The following AP3D1 variants were observed in gnomAD, a reference collection of about 807,000 sequenced individuals.
AP3D1 encodes the protein AP-3 complex subunit delta-1.
A neutral mutation model predicts 147.6 loss-of-function variants in AP3D1; 51 were observed. That is an observed-to-expected ratio of 0.35 (90% CI 0.28 to 0.44). AP3D1 has a LOEUF of 0.44. Among genes scored for constraint, AP3D1 ranks in the 20% least tolerant of loss-of-function variants. The pLI is 1.00. For missense variants in AP3D1, 1,421 were observed against 1,624.2 expected (o/e 0.87, Z 2.15); for synonymous variants, 760 against 663.0 (o/e 1.15, Z -2.25).
At chr19:2,123,730 G>T in intron 10 of AP3D1, 100 bp downstream of exon 10, 3 of 1,411,474 alleles carry the variant, frequency 2.1e-6, no homozygotes, top group Non-Finnish European at 2.9e-6. Context: ...GGCGTGGGGG[G>T]ACCAGCACCT....
intron 22 of AP3D1, 30 bp from the exon 23 acceptor site, chr19:2,113,443 C>T (rs758537768): frequency 8.0e-6 from 11 of 1,379,546 alleles, no homozygotes; most frequent in Admixed American, 2.8e-5. Flanking sequence ...TGTCAGCAAA[C>T]GCAGTGCAAT....
chr19:2,162,042 T>G (rs924205338), intron 1 of AP3D1, among the ~76,000 whole-genome samples: 4 of 148,584 alleles, frequency 2.7e-5, no homozygotes, highest in African/African-American at 4.9e-5. Context: ...AGTTTTTTTT[T>G]TTTTTTTTTT....
chr19:2,118,576 C>A, intron 15 of AP3D1, 25 bp downstream of exon 15: 1 of 1,591,426 alleles, frequency 6.3e-7, no homozygotes, highest in Non-Finnish European at 8.5e-7. Flanking sequence ...TGAGGCTCGG[C>A]CCAACACGGA....
intron 17 of AP3D1, 48 bp downstream of exon 17, chr19:2,116,557 G>C (rs948800493): frequency 6.6e-7 from 1 of 1,518,538 alleles, no homozygotes. Flanking sequence ...GACTCCCTGG[G>C]ACAGGAGGGA....
chr19:2,108,565 G>C, intron 31 of AP3D1, 122 bp downstream of exon 31: 25 of 853,644 alleles, frequency 2.9e-5, no homozygotes, highest in Non-Finnish European at 4.2e-5. Flanking sequence ...CATGGCAGCA[G>C]TGCTGCCATC....
upstream of AP3D1, among the ~76,000 whole-genome samples, chr19:2,155,834 G>T (rs1413269483): frequency 6.6e-6 from 1 of 151,948 alleles, no homozygotes; most frequent in Non-Finnish European, 1.5e-5. Flanking sequence ...GGGCGGATCA[G>T]GAGGTCAGGA....
chr19:2,114,893 C>G, intron 20 of AP3D1, 72 bp from the exon 21 acceptor site: 1 of 1,518,336 alleles, frequency 6.6e-7, no homozygotes, highest in Non-Finnish European at 9.1e-7. Context: ...CTATCTGGGA[C>G]GCAGTGGGAC....
intron 11 of AP3D1, among the ~76,000 whole-genome samples, chr19:2,123,002 G>C (rs1029451728): frequency 1.3e-5 from 2 of 152,194 alleles, no homozygotes; most frequent in Non-Finnish European, 2.9e-5. Context: ...ACGCACCCCC[G>C]CAAAAACATG....
Position 2,127,221 on chromosome 19 carries a change from G to A in AP3D1, c.807-20C>T, listed in dbSNP as rs761775635. 3 of 1,612,674 alleles carry A rather than the reference G, an allele frequency of 1.9e-6. No individual in the cohort carries two copies. The highest frequency in any genetic ancestry group is 2.5e-6 in the Non-Finnish European group (3 of 1,179,876). ...GACGTGCTAAGGAAAGGAACACAGG[G>A]AAGCGGCATGAGGACTGGGGGCCTC... On this transcript the variant is annotated intron_variant, in intron 8 of 31. Transcript: ENST00000643116.
intron 18 of AP3D1, among the ~76,000 whole-genome samples, chr19:2,115,878 A>G (rs2018433207): frequency 6.6e-6 from 1 of 152,204 alleles, no homozygotes; most frequent in East Asian, 1.9e-4. Flanking sequence ...CACTTTTTTT[A>G]CGTGAATATT....
intron 4 of AP3D1, among the ~76,000 whole-genome samples, chr19:2,134,577 A>G (rs2019030230): frequency 7.1e-6 from 1 of 140,190 alleles, no homozygotes; most frequent in Non-Finnish European, 1.6e-5. Context: ...TGTACTAAAA[A>G]TACCCTAAAA....
chr19:2,156,126 G>A (rs1234523720), upstream of AP3D1, among the ~76,000 whole-genome samples: 1 of 152,124 alleles, frequency 6.6e-6, no homozygotes, highest in Non-Finnish European at 1.5e-5. Context: ...ATCACTGGGA[G>A]TTGGTGGGCT....
At chr19:2,142,822 G>A (rs2019257393) in intron 1 of AP3D1, among the ~76,000 whole-genome samples, 1 of 152,004 alleles carries the variant, frequency 6.6e-6, no homozygotes, top group Non-Finnish European at 1.5e-5. Flanking sequence ...GAGTACAATG[G>A]TGTGATCTTG....
intron 5 of AP3D1, among the ~76,000 whole-genome samples, chr19:2,130,964 G>A (rs2018922359): frequency 6.6e-6 from 1 of 152,236 alleles, no homozygotes; most frequent in Admixed American, 6.5e-5. Context: ...TCCTGACAGA[G>A]CCAATCCATG....
chr19:2,135,857 C>G (rs189920858), intron 4 of AP3D1, among the ~76,000 whole-genome samples: 1 of 152,120 alleles, frequency 6.6e-6, no homozygotes, highest in Non-Finnish European at 1.5e-5. Flanking sequence ...CACCTGGGTA[C>G]CTAGGGCGGC....
chr19:2,118,878 G>A (rs762509573), intron 14 of AP3D1, 46 bp from the exon 15 acceptor site: 3 of 1,567,388 alleles, frequency 1.9e-6, no homozygotes, highest in Non-Finnish European at 2.6e-6. Flanking sequence ...CAATCCCGGG[G>A]CTCCTCTCTA....
rs12977523 is a variant in AP3D1 at position 2,159,464 on chromosome 19, C to A, written c.-103+4892G>T. Among the ~76,000 whole-genome samples, 875 of 151,934 alleles carry A rather than the reference C, an allele frequency of 5.8e-3. 6 individuals carry two copies. Among genetic ancestry groups the A allele is most frequent in the African/African-American group, 0.02 (828 of 41,400 alleles). On this transcript the variant is annotated intron_variant, in intron 1 of 14. Transcript: ENST00000643010. The stretch of plus-strand genomic sequence containing the variant: ...AGTGCGGTGGCGCGATCTCAGCTCA[C>A]CGCAAGCTCCGCCTCCCGGGTTCAA...
At chr19:2,152,763 CTACT>C (rs1274119534), upstream of AP3D1, among the ~76,000 whole-genome samples, 2 of 151,258 alleles carry the variant, frequency 1.3e-5, no homozygotes. Flanking sequence ...GTAATCCCAG[CTACT>C]TGGGAGGCTG....
intron 25 of AP3D1, 35 bp from the exon 26 acceptor site, chr19:2,111,367 C>A (rs1395202471): frequency 1.2e-6 from 2 of 1,613,222 alleles, no homozygotes; most frequent in African/African-American, 2.7e-5. Flanking sequence ...CCTTGGGGGC[C>A]CCGAGCTCCG....
Sources: allele counts gnomAD v4.1 joint callset (sites outside exome capture counted in the v4.1 genomes callset), GRCh38; gene constraint gnomAD v4.1.1; transcripts MANE v1.5; gene names NCBI Gene and HGNC (gene_info 2026-07-23, HGNC 2026-07-21).